ZBP1: variants seen among roughly 807,000 people sequenced by gnomAD.
ZBP1 encodes Z-DNA-binding protein 1.
Under a neutral mutation model 41.1 loss-of-function variants are expected in ZBP1, and 42 were observed. That is an observed-to-expected ratio of 1.02 (90% CI 0.80 to 1.32). The LOEUF (loss-of-function observed/expected upper bound fraction) is 1.32, where lower values mean the gene tolerates loss of function less well. Ranked by LOEUF, ZBP1 falls within the 40% of genes most tolerant of loss-of-function variation. The pLI is 0.00. For synonymous variants in ZBP1, 214 were observed against 205.2 expected (o/e 1.04, Z -0.37); for missense variants, 562 against 549.7 (o/e 1.02, Z -0.22).
At chr20:57,620,133 G>T in intron 1 of ZBP1, 129 bp downstream of exon 1, 1 of 1,168,614 alleles carries the variant, frequency 8.6e-7, no homozygotes, top group Non-Finnish European at 1.2e-6. Flanking sequence ...ACCACGCCCA[G>T]CTGGTCTACT....
At chr20:57,612,915 A>T in intron 5 of ZBP1, 1 of 1,340,480 alleles carries the variant, frequency 7.5e-7, no homozygotes, top group Non-Finnish European at 9.5e-7. Context: ...TTATTAGAAA[A>T]ATAAAAATTA....
intron 1 of ZBP1, 101 bp from the exon 2 acceptor site, chr20:57,616,569 G>C: frequency 8.0e-7 from 1 of 1,256,690 alleles, no homozygotes; most frequent in Non-Finnish European, 1.1e-6. Context: ...GCCCCTTTTT[G>C]AGAGGGGTCC....
chr20:57,619,316 G>A lies in ZBP1; in HGVS notation c.34+946C>T, dbSNP rs890094796. Among the ~76,000 whole-genome samples, 5 of 152,274 alleles carry A rather than the reference G, an allele frequency of 3.3e-5. 1 individual carries two copies. Among genetic ancestry groups the A allele is most frequent in the Admixed American group, 2.0e-4 (3 of 15,304 alleles). On this transcript the variant is annotated intron_variant, in intron 1 of 7. Transcript: ENST00000371173. ...TAGCCCTGCCAACTACTAGCTGTGT[G>A]ACCTCCCCTCCGGCTTCAGGTTCCT...
At chr20:57,607,568 G>GA (rs2070528283) in intron 7 of ZBP1, among the ~76,000 whole-genome samples, 1 of 152,222 alleles carries the variant, frequency 6.6e-6, no homozygotes, top group Non-Finnish European at 1.5e-5. Context: ...AATTTTGAAA[G>GA]AAGTTCTAGT....
In ZBP1 at chr20:57,614,440, C is replaced by T. The variant is rs566453282; in HGVS notation, c.502+447G>A. Among the ~76,000 whole-genome samples the T allele has an allele frequency of 3.0e-4, 46 of 152,274 alleles. 1 individual carries two copies. Among genetic ancestry groups the T allele is most frequent in the East Asian group, 1.5e-3 (8 of 5,188 alleles). On this transcript the variant is annotated intron_variant, in intron 4 of 7. Coordinates refer to ENST00000371173, the MANE Select transcript of ZBP1 (RefSeq NM_030776.3). ...TGAGAATGCCATGCACCTATTGGAT[C>T]TTGGCCCTGTGTGTGTTAGGTCTCA...
intron 1 of ZBP1, chr20:57,616,795 G>C: frequency 2.7e-6 from 1 of 367,134 alleles, no homozygotes; most frequent in Non-Finnish European, 5.1e-6. Flanking sequence ...AGGGCAGAGG[G>C]GAGTAGAGGG....
At position 57,615,726 on chromosome 20, in the gene ZBP1, A is replaced by G. The variant is rs1013864905; in HGVS notation, c.260-146T>C. ...TCCAGAGTTCAACACACTTGACTTC[A>G]AATCCTGCCTGCGCCCTGGCAGCTG... On this transcript the variant is annotated intron_variant, in intron 2 of 7. Coordinates refer to ENST00000371173, the MANE Select transcript of ZBP1 (RefSeq NM_030776.3). 6.3e-6 allele frequency: 4 copies of G among 639,610 alleles called. No individual in the cohort carries two copies. In the African/African-American group the frequency reaches 7.5e-5, roughly 12 times the overall value. The allele number at this position is 639,610 out of a possible 1,614,324, so 39.6% of individuals were successfully genotyped here.
At position 57,604,511 on chromosome 20, in the gene ZBP1, G is replaced by A. The variant is rs1600720464; in HGVS notation, c.*62C>T. On this transcript the variant is annotated 3_prime_UTR_variant, in exon 8 of 8. Coordinates refer to ENST00000371173, the MANE Select transcript of ZBP1 (RefSeq NM_030776.3). The stretch of plus-strand genomic sequence containing the variant: ...CGCTAAGGAATGCAGAGAGCAGCAG[G>A]CTAGTCTCCCTAGCATGCGCCCACC... 7 of 1,575,588 alleles carry A rather than the reference G, an allele frequency of 4.4e-6. No homozygotes were observed. The East Asian group carries it at 1.1e-4, about 25-fold the overall frequency.
chr20:57,612,760 A>G lies in ZBP1; in HGVS notation c.670+403T>C, dbSNP rs140108326. The G allele has an allele frequency of 7.0e-4, 250 of 358,364 alleles. 1 individual carries two copies. In the East Asian group the frequency reaches 0.024, roughly 34 times the overall value. 22.2% of individuals were successfully genotyped at this position (358,364 alleles called of 1,614,324 possible). A position where few individuals can be genotyped will look rare whatever the true frequency, so the allele number is the denominator to read the frequency against. On this transcript the variant is annotated intron_variant, in intron 5 of 7. Transcript: ENST00000371173. The stretch of plus-strand genomic sequence containing the variant: ...GGGAAAGTAGCGTGTCTCAGAACAA[A>G]TACGGTACTACAATAACCTCCCCTG...
At chr20:57,615,440 C>G (rs553516534) in intron 3 of ZBP1, 72 bp downstream of exon 3, 1 of 1,532,216 alleles carries the variant, frequency 6.5e-7, no homozygotes, top group Admixed American at 1.7e-5. Context: ...CTTGTACCCT[C>G]AAGGAGGGCC....
In ZBP1 at chr20:57,613,398, G is replaced by A. The variant is rs181620526; in HGVS notation, c.503-68C>T. 1.1e-4 allele frequency: 169 copies of A among 1,525,538 alleles called. 1 individual carries two copies. The East Asian group carries it at 2.9e-3, about 26-fold the overall frequency. 94.5% of individuals were successfully genotyped at this position (1,525,538 alleles called of 1,614,324 possible). A position where few individuals can be genotyped will look rare whatever the true frequency, so the allele number is the denominator to read the frequency against. On this transcript the variant is annotated intron_variant, in intron 4 of 7. Coordinates refer to ENST00000371173, the MANE Select transcript of ZBP1 (RefSeq NM_030776.3). This position sits in a 1 kb window ranked among gnomAD's most constrained non-coding sequence, Gnocchi z 4.5. ...GGGTCAGGGGTTCCCAATACCAGTC[G>A]GCAGCACCAAATTCTCCTGGGGAGC...
intron 5 of ZBP1, among the ~76,000 whole-genome samples, chr20:57,612,557 CT>C (rs11479553): frequency 0.13 from 19,767 of 152,132 alleles, 1,621 homozygotes; most frequent in Admixed American, 0.18. Context: ...AGTGTCCCGA[CT>C]TTGGGGCTGA....
At chr20:57,604,804 G>T in intron 7 of ZBP1, 35 bp from the exon 8 acceptor site, 1 of 1,593,700 alleles carries the variant, frequency 6.3e-7, no homozygotes, top group Non-Finnish European at 8.6e-7. Context: ...AGCTTCATGG[G>T]CACGTGGCCT....
At chr20:57,614,832 G>A in intron 4 of ZBP1, 55 bp downstream of exon 4, 3 of 1,602,722 alleles carry the variant, frequency 1.9e-6, no homozygotes, top group Non-Finnish European at 2.6e-6. Flanking sequence ...CAAAGACCAA[G>A]CACTAGTGTC....
chr20:57,616,162 G>A (rs1377394148), intron 2 of ZBP1, 82 bp downstream of exon 2: 17 of 1,359,756 alleles, frequency 1.3e-5, no homozygotes, highest in African/African-American at 7.2e-5. Context: ...GTTCAGATTC[G>A]AACCCAGGCT....
rs781661085 is a variant in ZBP1, at chr20:57,616,316, G to A, written c.187C>T (p.Pro63Ser). ...KKELKVSLTSPATWCLGGTDP... is the reference protein window; with the variant it reads ...KKELKVSLTSSATWCLGGTDP... ...GTCCCGCCCAAGCACCAGGTGGCAGGGGATGTGAGGGAGACTTTCAACTCC... is the reference window on the plus strand; with the variant it reads ...GTCCCGCCCAAGCACCAGGTGGCAGAGGATGTGAGGGAGACTTTCAACTCC... The change falls in exon 2 of 8, where the codon CCT becomes TCT. Residue 63 changes from proline to serine, a missense_variant. Physicochemically the swap from Pro to Ser is moderately conservative, Grantham distance 74. Coordinates refer to ENST00000371173, the MANE Select transcript of ZBP1 (RefSeq NM_030776.3). 127 of 1,614,192 alleles carry A rather than the reference G, an allele frequency of 7.9e-5. No homozygotes were observed. In the East Asian group the frequency reaches 2.7e-3, roughly 34 times the overall value.
rs1363882147 is a variant in ZBP1 at position 57,610,363 on chromosome 20, A to G, written c.879T>C (p.Ser293=). The G allele has an allele frequency of 5.0e-6, 8 of 1,614,130 alleles. No individual in the cohort carries two copies. Among genetic ancestry groups the G allele is most frequent in the African/African-American group, 2.7e-5 (2 of 75,036 alleles). Reference sequence around the variant, plus strand: ...AAGCTTCTGGGCCGGCAGCAGTGGCAGAGACTGTGGGTCAAAGGGAGAGAG... The same window carrying G: ...AAGCTTCTGGGCCGGCAGCAGTGGCGGAGACTGTGGGTCAAAGGGAGAGAG... ...AHIPPGSPPV[S]ATAAGPEASF... is the part of the protein sequence containing the mutation. The change falls in exon 7 of 8, where the codon TCT becomes TCC. Residue 293 remains serine (S), a synonymous_variant. Coordinates refer to ENST00000371173, the MANE Select transcript of ZBP1 (RefSeq NM_030776.3). The surrounding 1 kb of genome is among the most constrained non-coding windows in gnomAD (Gnocchi z 5.5).
chr20:57,619,039 T>C (rs1395001298), intron 1 of ZBP1, among the ~76,000 whole-genome samples: 1 of 152,062 alleles, frequency 6.6e-6, no homozygotes, highest in East Asian at 1.9e-4. Context: ...AAATGGGAAA[T>C]TGTAAAATGG....
At position 57,613,776 on chromosome 20, in the gene ZBP1, T is replaced by C. The variant is rs1289174546; in HGVS notation, c.503-446A>G. ...TTTCAATATTTGAATTTGTCACTAG[T>C]GTTTAAAATCTGGTGGCTGTCACGC... On this transcript the variant is annotated intron_variant, in intron 4 of 7. Coordinates refer to ENST00000371173, the MANE Select transcript of ZBP1 (RefSeq NM_030776.3). The surrounding 1 kb of genome is among the most constrained non-coding windows in gnomAD (Gnocchi z 4.5). 6.6e-6 allele frequency among the ~76,000 whole-genome samples: 1 copy of C among 152,222 alleles called. No homozygotes were observed. Among genetic ancestry groups the C allele is most frequent in the Non-Finnish European group, 1.5e-5 (1 of 68,040 alleles).
Sources: allele counts gnomAD v4.1 joint callset (sites outside exome capture counted in the v4.1 genomes callset), GRCh38; gene constraint gnomAD v4.1.1; non-coding constraint Gnocchi (gnomAD v3.1); transcripts MANE v1.5; gene names NCBI Gene and HGNC (gene_info 2026-07-23, HGNC 2026-07-21).